UIMC1: variants seen among roughly 807,000 people sequenced by gnomAD.
UIMC1 encodes the protein ubiquitin interaction motif containing 1.
UIMC1 carries 42 observed loss-of-function variants against 84.9 expected under a neutral mutation model. The observed-to-expected ratio is 0.49, with a 90% CI of 0.39 to 0.64. The LOEUF is 0.64. Among genes scored for constraint, UIMC1 ranks in the 30% least tolerant of loss-of-function variants. The pLI is 0.00. For synonymous variants in UIMC1, 281 were observed against 293.0 expected (o/e 0.96, Z 0.42); for missense variants, 825 against 847.6 (o/e 0.97, Z 0.33).
At chr5:176,908,890 C>A (rs1267072110) in intron 11 of UIMC1, among the ~76,000 whole-genome samples, 196 bp from the exon 12 acceptor site, 1 of 152,208 alleles carries the variant, frequency 6.6e-6, no homozygotes, top group Non-Finnish European at 1.5e-5. Flanking sequence ...GAGTGATTAG[C>A]AGTTTTCCCT....
In UIMC1 at chr5:176,982,627, G is replaced by C. The variant is rs552265604; in HGVS notation, c.-8-4C>G. On this transcript the variant is annotated splice_region_variant and splice_polypyrimidine_tract_variant and intron_variant, in intron 1 of 14. Transcript: ENST00000511320. ...TTTCTCCGTGGCATCCTTTTGTCTA[G>C]AATAAAAGGACAATAATTTTGTCTA... is the stretch of plus-strand genomic sequence containing the variant. The C allele has an allele frequency of 7.5e-6, 12 of 1,605,428 alleles. No homozygotes were observed. The highest frequency in any genetic ancestry group is 5.3e-5 in the Admixed American group (3 of 56,648).
intron 3 of UIMC1, among the ~76,000 whole-genome samples, chr5:176,974,522 G>A (rs921488540): frequency 2.4e-4 from 36 of 152,198 alleles, no homozygotes; most frequent in Non-Finnish European, 3.8e-4. Flanking sequence ...AACCATAAAA[G>A]AGAAAAAAAT....
intron 4 of UIMC1, chr5:176,969,988 A>G: frequency 3.5e-6 from 1 of 283,706 alleles, no homozygotes; most frequent in Non-Finnish European, 6.8e-6. Flanking sequence ...AAATCATTTC[A>G]GGCTGGGCGA....
At chr5:176,958,208 T>G (rs1361156577) in intron 6 of UIMC1, 54 bp from the exon 7 acceptor site, 2 of 1,474,356 alleles carry the variant, frequency 1.4e-6, no homozygotes, top group Non-Finnish European at 1.9e-6. Flanking sequence ...AACTGGCTTC[T>G]CTTCCTTTTT....
chr5:176,912,477 T>G (rs1288192306), intron 10 of UIMC1, among the ~76,000 whole-genome samples: 1 of 148,924 alleles, frequency 6.7e-6, no homozygotes, highest in Non-Finnish European at 1.5e-5. Flanking sequence ...GTTTTTTGTT[T>G]TTTTTTTTTT....
intron 3 of UIMC1, among the ~76,000 whole-genome samples, chr5:176,972,285 C>G (rs1248157023): frequency 6.6e-6 from 1 of 151,952 alleles, no homozygotes; most frequent in African/African-American, 2.4e-5. Context: ...GCCTATAGTC[C>G]CAGCTACTCA....
At chr5:176,985,293 T>C (rs2149512101) in intron 1 of UIMC1, among the ~76,000 whole-genome samples, 1 of 152,052 alleles carries the variant, frequency 6.6e-6, no homozygotes, top group East Asian at 1.9e-4. Context: ...CTGTCTCTAC[T>C]AAAAATACAA....
chr5:176,908,176 G>A (rs1309640953), intron 12 of UIMC1, among the ~76,000 whole-genome samples: 3 of 151,272 alleles, frequency 2.0e-5, no homozygotes, highest in Non-Finnish European at 4.4e-5. Context: ...AGAGAGAGAA[G>A]GGGGGAGAGG....
chr5:176,955,853 C>A, intron 8 of UIMC1, 106 bp downstream of exon 8: 1 of 1,032,818 alleles, frequency 9.7e-7, no homozygotes, highest in Middle Eastern at 2.1e-4. Context: ...GTATCAATTA[C>A]ATACAAACCT....
chr5:176,960,652 TCTCC>T (rs1767263218), intron 6 of UIMC1, among the ~76,000 whole-genome samples: 1 of 28,798 alleles, frequency 3.5e-5, no homozygotes, highest in South Asian at 1.0e-3. Flanking sequence ...TCCGTCTCCG[TCTCC>T]GTCTCCGTCT....
intron 2 of UIMC1, chr5:176,980,287 C>CT (rs1554130049): frequency 1.3e-5 from 2 of 152,158 alleles, no homozygotes; most frequent in Non-Finnish European, 2.9e-5. Flanking sequence ...CATCCATCCA[C>CT]CCTTCTGTCC....
chr5:177,006,726 G>C lies in UIMC1; in HGVS notation c.-85C>G, dbSNP rs1335550873. 1.3e-5 allele frequency: 2 copies of C among 152,226 alleles called. No homozygotes were observed. The highest frequency in any genetic ancestry group is 1.5e-5 in the Non-Finnish European group (1 of 68,042). The allele number at this position is 152,226 out of a possible 1,614,324, so 9.4% of individuals were successfully genotyped here. On this transcript the variant is annotated 5_prime_UTR_variant, in exon 1 of 15. Transcript: ENST00000511320. ...AGCCGCCACACGTTGGGAGCGCGGG[G>C]GGAGGGGGAGGGGCGCGCGCGTCCG...
chr5:177,001,222 C>T (rs1481427544), intron 1 of UIMC1, among the ~76,000 whole-genome samples: 2 of 152,190 alleles, frequency 1.3e-5, no homozygotes, highest in African/African-American at 4.8e-5. Flanking sequence ...CATTCTTCTG[C>T]ATATAGATAT....
At chr5:176,975,752 A>C (rs1769964254) in intron 2 of UIMC1, among the ~76,000 whole-genome samples, 2 of 152,234 alleles carry the variant, frequency 1.3e-5, no homozygotes, top group Non-Finnish European at 2.9e-5. Flanking sequence ...CTAAAATACC[A>C]GTAAGCATCA....
At chr5:176,913,570 A>G (rs1481145026) in intron 10 of UIMC1, among the ~76,000 whole-genome samples, 1 of 152,252 alleles carries the variant, frequency 6.6e-6, no homozygotes, top group Non-Finnish European at 1.5e-5. Context: ...CTCATACTCT[A>G]CTGATTCAGT....
intron 1 of UIMC1, among the ~76,000 whole-genome samples, chr5:177,014,050 TTC>T (rs1775619811): frequency 7.0e-6 from 1 of 142,092 alleles, no homozygotes; most frequent in Admixed American, 6.8e-5. Context: ...GCCACTTTTT[TTC>T]TTTTCTTTTT....
chr5:176,969,286 A>G lies in UIMC1; in HGVS notation c.469T>C (p.Trp157Arg). The part of the protein sequence containing the change: ...TTDSGLTEGI[W>R]QLVPPSLFKG... ...AACAGTGATGGAGGTACCAGCTGCCATATGCCTGTAGGTATTTGAGAAAAA... is the reference window on the plus strand; with the variant it reads ...AACAGTGATGGAGGTACCAGCTGCCGTATGCCTGTAGGTATTTGAGAAAAA... The change falls in exon 6 of 15, where the codon TGG becomes CGG. Residue 157 changes from tryptophan (W) to arginine (R), a missense_variant. By Grantham distance (101) the Trp-to-Arg change is moderately radical. Coordinates refer to ENST00000511320, the MANE Select transcript of UIMC1 (RefSeq NM_001199298.2). 1 of 1,610,772 alleles carries G rather than the reference A, an allele frequency of 6.2e-7. No individual in the cohort carries two copies.
At chr5:176,941,629 C>T (rs182702429) in intron 10 of UIMC1, among the ~76,000 whole-genome samples, 66 of 152,214 alleles carry the variant, frequency 4.3e-4, no homozygotes, top group African/African-American at 1.3e-3. Flanking sequence ...ACCTAAGTTA[C>T]AGGAATCAAG....
chr5:176,987,968 A>G (rs1312371574), intron 1 of UIMC1, among the ~76,000 whole-genome samples: 1 of 151,932 alleles, frequency 6.6e-6, no homozygotes, highest in Non-Finnish European at 1.5e-5. Flanking sequence ...TATACAAAAA[A>G]TACGAAATGT....
Sources: allele counts gnomAD v4.1 joint callset (sites outside exome capture counted in the v4.1 genomes callset), GRCh38; gene constraint gnomAD v4.1.1; transcripts MANE v1.5; gene names NCBI Gene and HGNC (gene_info 2026-07-23, HGNC 2026-07-21).